The following DPP6 variants were observed in gnomAD, a reference collection of about 807,000 sequenced individuals.
The protein encoded by DPP6 is dipeptidyl peptidase like 6.
DPP6 carries 69 observed loss-of-function variants against 122.6 expected under a neutral mutation model. That is an observed-to-expected ratio of 0.56 (90% confidence interval 0.46 to 0.69). The LOEUF (loss-of-function observed/expected upper bound fraction) is 0.69. Among genes scored for constraint, DPP6 ranks in the 30% least tolerant of loss-of-function variants. The pLI, the probability that DPP6 is intolerant of heterozygous loss-of-function variation, is 0.00. For synonymous variants in DPP6, 418 were observed against 433.1 expected (o/e 0.97, Z 0.43); for missense variants, 928 against 1,116.9 (o/e 0.83, Z 2.41).
intron 1 of DPP6, among the ~76,000 whole-genome samples, chr7:153,914,895 A>G (rs777909745): frequency 1.3e-5 from 2 of 152,182 alleles, no homozygotes; most frequent in Non-Finnish European, 2.9e-5. Context: ...CACCTCTCCC[A>G]TCTCTCCCAG....
chr7:154,024,542 C>A (rs1585193461), intron 1 of DPP6, among the ~76,000 whole-genome samples: 1 of 151,908 alleles, frequency 6.6e-6, no homozygotes, highest in Non-Finnish European at 1.5e-5. Context: ...TCAAGGGATG[C>A]CTTTGAAAGG....
At chr7:154,117,758 G>T (rs1167038289) in intron 1 of DPP6, among the ~76,000 whole-genome samples, 2 of 151,150 alleles carry the variant, frequency 1.3e-5, no homozygotes, top group African/African-American at 2.4e-5. Flanking sequence ...TGGTGTGGGT[G>T]GGAGAATGCT....
At position 154,821,313 on chromosome 7, in the gene DPP6, C is replaced by T. The variant is rs1316603642; in HGVS notation, c.1666+14201C>T. 6.6e-6 allele frequency among the ~76,000 whole-genome samples: 1 copy of T among 152,000 alleles called. No homozygotes were observed. Among genetic ancestry groups the T allele is most frequent in the Admixed American group, 6.6e-5 (1 of 15,252 alleles). The stretch of plus-strand genomic sequence containing the variant: ...TACATTGTTCTGATAGCCTCACTTA[C>T]TCATTTTAAGCTTATTTTATTTTTA... On this transcript the variant is annotated intron_variant, in intron 16 of 25. Coordinates refer to ENST00000377770, the MANE Select transcript of DPP6 (RefSeq NM_130797.4). This position sits in a 1 kb window ranked among gnomAD's most constrained non-coding sequence, Gnocchi z 4.2.
At position 154,311,372 on chromosome 7, in the gene DPP6, T is replaced by C. The variant is rs963513073; in HGVS notation, c.244-134842T>C. 4.6e-5 allele frequency among the ~76,000 whole-genome samples: 7 copies of C among 152,148 alleles called. No homozygotes were observed. The East Asian group carries it at 1.2e-3, about 25-fold the overall frequency. Reference sequence around the variant, plus strand: ...TCCAGGCGTGGTGGTGGCGCATGCCTGTTGTCCCAGTTACTCAGGAGGCTG... The same window carrying C: ...TCCAGGCGTGGTGGTGGCGCATGCCCGTTGTCCCAGTTACTCAGGAGGCTG... On this transcript the variant is annotated intron_variant, in intron 1 of 25. Coordinates refer to ENST00000377770, the MANE Select transcript of DPP6 (RefSeq NM_130797.4).
chr7:153,929,121 G>T (rs1801057907), intron 1 of DPP6, among the ~76,000 whole-genome samples: 1 of 152,168 alleles, frequency 6.6e-6, no homozygotes, highest in Admixed American at 6.5e-5. Context: ...TGATGGGACT[G>T]CCCTGTCTGC....
At chr7:154,849,089 C>T (rs1002401139) in intron 16 of DPP6, among the ~76,000 whole-genome samples, 4 of 151,668 alleles carry the variant, frequency 2.6e-5, no homozygotes, top group African/African-American at 7.3e-5. Flanking sequence ...TGAAATCAGG[C>T]GGTGTGATGC....
chr7:154,046,908 T>C (rs1319603705), intron 1 of DPP6, among the ~76,000 whole-genome samples: 1 of 152,120 alleles, frequency 6.6e-6, no homozygotes, highest in Non-Finnish European at 1.5e-5. Flanking sequence ...TTTAGTGAAG[T>C]CAAGTTTTCC....
At chr7:154,078,786 C>G (rs193178963) in intron 1 of DPP6, among the ~76,000 whole-genome samples, 1 of 152,174 alleles carries the variant, frequency 6.6e-6, no homozygotes, top group East Asian at 1.9e-4. Flanking sequence ...GGAAAGCCAC[C>G]TGGTTTTAGA....
At chr7:154,313,184 G>C (rs1807057114) in intron 1 of DPP6, among the ~76,000 whole-genome samples, 2 of 152,150 alleles carry the variant, frequency 1.3e-5, no homozygotes, top group African/African-American at 4.8e-5. Flanking sequence ...TTGATAAACA[G>C]TAATGGGAGA....
chr7:154,329,828 C>A (rs190543272), intron 1 of DPP6, among the ~76,000 whole-genome samples: 4,315 of 152,304 alleles, frequency 0.028, 163 homozygotes, highest in African/African-American at 0.084. Context: ...CACATATACA[C>A]CATGGAATAC....
intron 1 of DPP6, among the ~76,000 whole-genome samples, chr7:154,243,067 C>T (rs552485813): frequency 3.3e-5 from 5 of 152,300 alleles, no homozygotes; most frequent in African/African-American, 9.6e-5. Context: ...AGAATAAGTT[C>T]ATGTCCATGA....
chr7:154,858,968 G>C (rs1803073318), intron 17 of DPP6, among the ~76,000 whole-genome samples: 1 of 152,168 alleles, frequency 6.6e-6, no homozygotes, highest in East Asian at 1.9e-4. Flanking sequence ...TTCAGGGCGA[G>C]GCCCGGACTC....
intron 1 of DPP6, among the ~76,000 whole-genome samples, chr7:154,071,926 TC>T (rs907643889): frequency 6.6e-5 from 10 of 151,992 alleles, no homozygotes; most frequent in Non-Finnish European, 1.2e-4. Context: ...AACAGAAAAA[TC>T]AACAGTTTTA....
At chr7:154,677,634 C>A (rs1370969338) in intron 7 of DPP6, among the ~76,000 whole-genome samples, 2 of 152,192 alleles carry the variant, frequency 1.3e-5, no homozygotes, top group Non-Finnish European at 2.9e-5. Context: ...CCATCGCTCA[C>A]GTGTGGGCGT....
intron 1 of DPP6, among the ~76,000 whole-genome samples, chr7:153,908,492 G>T (rs1158027675): frequency 6.6e-6 from 1 of 152,146 alleles, no homozygotes; most frequent in Admixed American, 6.5e-5. Context: ...ATACCTATTG[G>T]AAGTATAAAA....
chr7:153,937,364 C>T (rs1372250582), intron 1 of DPP6, among the ~76,000 whole-genome samples: 1 of 151,610 alleles, frequency 6.6e-6, no homozygotes, highest in African/African-American at 2.4e-5. Flanking sequence ...GTGTCCAGCT[C>T]ATCATCATTG....
intron 6 of DPP6, among the ~76,000 whole-genome samples, chr7:154,644,587 C>T (rs1214737354): frequency 6.6e-6 from 1 of 152,150 alleles, no homozygotes; most frequent in Admixed American, 6.5e-5. Context: ...CGGAGATAGG[C>T]TTTGGCTGTG....
intron 4 of DPP6, among the ~76,000 whole-genome samples, chr7:154,549,189 G>A (rs1829444423): frequency 6.6e-6 from 1 of 152,162 alleles, no homozygotes; most frequent in Non-Finnish European, 1.5e-5. Flanking sequence ...GGTGAGAATC[G>A]ATCTGGGAAA....
intron 25 of DPP6, 45 bp from the exon 26 acceptor site, chr7:154,892,289 G>A (rs1337740882): frequency 1.2e-6 from 2 of 1,613,398 alleles, no homozygotes; most frequent in East Asian, 2.2e-5. Context: ...CGTCCCCTGG[G>A]GAGCGTATAC....
Sources: allele counts gnomAD v4.1 joint callset (sites outside exome capture counted in the v4.1 genomes callset), GRCh38; gene constraint gnomAD v4.1.1; non-coding constraint Gnocchi (gnomAD v3.1); transcripts MANE v1.5; gene names NCBI Gene and HGNC (gene_info 2026-07-23, HGNC 2026-07-21).